The following MALRD1 variants were observed in gnomAD, a reference collection of about 807,000 sequenced individuals.
The protein encoded by MALRD1 is MAM and LDL-receptor class A domain-containing protein 1.
In MALRD1, 247 loss-of-function variants were observed where a neutral mutation model predicts 242.1. The ratio of observed to expected loss-of-function variants is 1.02; its 90% confidence interval spans 0.92 to 1.13. MALRD1 has a LOEUF of 1.13. Among genes scored for constraint, MALRD1 ranks in the 50% most tolerant of loss-of-function variants. The probability of loss-of-function intolerance (pLI) is 0.00; values close to 1 mark genes in which losing one functional copy is unlikely to be tolerated. For synonymous variants in MALRD1, 995 were observed against 866.6 expected (o/e 1.15, Z -2.60); for missense variants, 2,989 against 2,533.1 (o/e 1.18, Z -3.86).
At chr10:19,539,857 CGTGTGTGTGTGTGTGTGTGTGT>C (rs368123598) in intron 32 of MALRD1, among the ~76,000 whole-genome samples, 4 of 126,924 alleles carry the variant, frequency 3.2e-5, no homozygotes, top group African/African-American at 1.1e-4. Flanking sequence ...CAGCTTTGTG[CGTGTGTGTGTGTGTGTGTGTGT>C]GTGTGTGTGT....
chr10:19,440,047 G>T (rs576617952), intron 28 of MALRD1, among the ~76,000 whole-genome samples: 1 of 152,222 alleles, frequency 6.6e-6, no homozygotes, highest in East Asian at 1.9e-4. Context: ...TCACACTTTA[G>T]GTGTCCATCT....
At chr10:19,060,198 G>A (rs1388629102) in intron 1 of MALRD1, among the ~76,000 whole-genome samples, 4 of 152,086 alleles carry the variant, frequency 2.6e-5, no homozygotes, top group African/African-American at 9.7e-5. Context: ...AGTATCCACC[G>A]ATGTTTCTGG....
chr10:19,477,027 C>G (rs1476657617), intron 29 of MALRD1, among the ~76,000 whole-genome samples: 1 of 152,108 alleles, frequency 6.6e-6, no homozygotes, highest in East Asian at 1.9e-4. Context: ...AAACTCTTAG[C>G]TCTATATAAT....
At chr10:19,502,003 A>G (rs1428718414) in intron 31 of MALRD1, among the ~76,000 whole-genome samples, 1 of 136,076 alleles carries the variant, frequency 7.3e-6, no homozygotes. Context: ...CTCCAGCAAG[A>G]TTCTGTCTCA....
chr10:19,225,041 C>T (rs2131676113), intron 18 of MALRD1, among the ~76,000 whole-genome samples: 1 of 152,280 alleles, frequency 6.6e-6, no homozygotes, highest in East Asian at 1.9e-4. Context: ...GGTCCAGTTT[C>T]AGCTTTCTTC....
intron 27 of MALRD1, chr10:19,389,124 C>G (rs1846221228): frequency 2.5e-6 from 1 of 394,502 alleles, no homozygotes; most frequent in Non-Finnish European, 5.0e-6. Flanking sequence ...CATTGGTAGT[C>G]TTTACATTAT....
chr10:19,714,579 T>G (rs146053179), intron 38 of MALRD1, among the ~76,000 whole-genome samples: 138 of 152,238 alleles, frequency 9.1e-4, no homozygotes, highest in East Asian at 8.9e-3. Context: ...CCTACGTCCG[T>G]GGGCACAGTC....
intron 4 of MALRD1, 62 bp from the exon 5 acceptor site, chr10:19,103,917 T>C (rs1349079810): frequency 1.4e-5 from 14 of 1,002,220 alleles, no homozygotes; most frequent in Non-Finnish European, 1.8e-5. Flanking sequence ...TATAACACTG[T>C]GAGACAGTGA....
chr10:19,613,457 T>C (rs1313139884), intron 35 of MALRD1, among the ~76,000 whole-genome samples: 2 of 152,030 alleles, frequency 1.3e-5, no homozygotes, highest in Non-Finnish European at 2.9e-5. Context: ...GCCATTATCC[T>C]CGACTCTTGC....
intron 14 of MALRD1, among the ~76,000 whole-genome samples, chr10:19,187,960 G>A (rs572918841): frequency 2.6e-5 from 4 of 152,206 alleles, no homozygotes; most frequent in Non-Finnish European, 4.4e-5. Flanking sequence ...AATAAAAGTC[G>A]AAATAAAAAG....
intron 32 of MALRD1, among the ~76,000 whole-genome samples, chr10:19,548,953 G>T (rs1395030383): frequency 6.6e-6 from 1 of 152,196 alleles, no homozygotes; most frequent in Non-Finnish European, 1.5e-5. Context: ...AGTTGGGGAT[G>T]CAAGGGAAAA....
chr10:19,290,721 C>T (rs4526680), intron 21 of MALRD1, among the ~76,000 whole-genome samples: 2 of 152,090 alleles, frequency 1.3e-5, no homozygotes, highest in African/African-American at 4.8e-5. Flanking sequence ...ATTGTGAGTT[C>T]TCTTCAGCTG....
chr10:19,372,158 A>G (rs1007510813), intron 26 of MALRD1, among the ~76,000 whole-genome samples: 3 of 152,206 alleles, frequency 2.0e-5, no homozygotes, highest in Admixed American at 6.6e-5. Flanking sequence ...TAAATATAAC[A>G]TACTATATGA....
At chr10:19,254,228 AG>A (rs1244693883) in intron 18 of MALRD1, among the ~76,000 whole-genome samples, 2 of 151,982 alleles carry the variant, frequency 1.3e-5, no homozygotes, top group Admixed American at 1.3e-4. Context: ...CAGGCTTTTG[AG>A]TCTGGCTTCT....
intron 36 of MALRD1, among the ~76,000 whole-genome samples, chr10:19,671,549 C>T (rs904055255): frequency 2.0e-5 from 3 of 151,684 alleles, no homozygotes; most frequent in South Asian, 2.1e-4. Context: ...ACCGAGGAGG[C>T]GGAGGATAGA....
At chr10:19,699,912 T>A (rs754541050) in intron 38 of MALRD1, among the ~76,000 whole-genome samples, 22 of 151,954 alleles carry the variant, frequency 1.4e-4, no homozygotes, top group Non-Finnish European at 2.8e-4. Flanking sequence ...ACACTGGGGA[T>A]TACAATTCAA....
chr10:19,442,954 T>G (rs574791104), intron 28 of MALRD1, among the ~76,000 whole-genome samples: 89 of 152,242 alleles, frequency 5.8e-4, no homozygotes, highest in African/African-American at 1.7e-3. Context: ...CGTCCTGGAC[T>G]TTTTTTGGTT....
chr10:19,438,414 T>A (rs1321847895), intron 28 of MALRD1, among the ~76,000 whole-genome samples: 1 of 152,218 alleles, frequency 6.6e-6, no homozygotes, highest in Non-Finnish European at 1.5e-5. Context: ...CATTCATGGA[T>A]ACACATGTAG....
intron 36 of MALRD1, among the ~76,000 whole-genome samples, chr10:19,664,757 C>T (rs970710618): frequency 3.3e-5 from 5 of 151,952 alleles, no homozygotes; most frequent in African/African-American, 1.2e-4. Context: ...CCGAAAACCT[C>T]AGAAATAACC....
Sources: gnomAD v4.1 joint callset for allele counts (sites outside exome capture counted in the v4.1 genomes callset) on GRCh38, gnomAD v4.1.1 for gene constraint, MANE v1.5 for transcripts, NCBI Gene and HGNC (gene_info 2026-07-23, HGNC 2026-07-21) for gene names.